Variants in NEDD9 observed in about 807,000 individuals in gnomAD.
NEDD9 encodes neural precursor cell expressed, developmentally down-regulated 9, also known as enhancer of filamentation 1.
In NEDD9, 26 loss-of-function variants were observed where a neutral mutation model predicts 76.6. That is an observed-to-expected ratio of 0.34 (90% CI 0.25 to 0.47). NEDD9 has a LOEUF of 0.47. Among genes scored for constraint, NEDD9 ranks in the 20% least tolerant of loss-of-function variants. The pLI is 1.00. For missense variants in NEDD9, 937 were observed against 1,058.5 expected, an observed-to-expected ratio of 0.89 and a Z score of 1.59; for synonymous variants, 392 against 414.2, an observed-to-expected ratio of 0.95 and a Z score of 0.65.
At chr6:11,304,953 A>G in intron 3 of NEDD9, 1 of 604,654 alleles carries the variant, frequency 1.7e-6, no homozygotes, top group Non-Finnish European at 2.5e-6. Context: ...CTTAAAATAT[A>G]ATTAAAAAAA....
At chr6:11,279,729 G>A (rs1398199932) in intron 3 of NEDD9, among the ~76,000 whole-genome samples, 1 of 152,110 alleles carries the variant, frequency 6.6e-6, no homozygotes, top group East Asian at 1.9e-4. Context: ...CCGGGGCCAG[G>A]CAAGGGGAAA....
intron 1 of NEDD9, chr6:11,214,079 G>T: frequency 2.3e-6 from 1 of 426,100 alleles, no homozygotes; most frequent in Non-Finnish European, 4.5e-6. Context: ...GTGAGCTTAA[G>T]GAAAAAAAAA....
chr6:11,254,609 GT>G (rs1350649306), intron 3 of NEDD9, among the ~76,000 whole-genome samples: 1 of 152,176 alleles, frequency 6.6e-6, no homozygotes, highest in Non-Finnish European at 1.5e-5. Context: ...CTAAAACCCT[GT>G]ATTTTTATTT....
In NEDD9 at chr6:11,183,378, C is replaced by T. The variant is rs2113703035; in HGVS notation, c.*1784G>A. ...ACGGCAAAGAGTAATACAGATTGAA[C>T]ATTTGGTTTTAAAAATGTGAAATGT... On this transcript the variant is annotated 3_prime_UTR_variant, in exon 7 of 7. Transcript: ENST00000379446. The T allele has an allele frequency of 6.6e-6, 1 of 152,218 alleles. No individual in the cohort carries two copies. The highest frequency in any genetic ancestry group is 2.1e-4 in the South Asian group (1 of 4,830). The allele number at this position is 152,218 out of a possible 1,614,324, so 9.4% of individuals were successfully genotyped here.
rs149670274 is a variant in NEDD9, at chr6:11,354,734, G to A, written c.-213-20173C>T. On this transcript the variant is annotated intron_variant, in intron 1 of 3. Transcript: ENST00000397378. ...CCCTGGTGCCAGGGGTGGGTGCATG[G>A]CCACAGTCTGGACAATCAGAGTATT... 2.1e-3 allele frequency among the ~76,000 whole-genome samples: 325 copies of A among 152,288 alleles called. 1 individual carries two copies. The highest frequency in any genetic ancestry group is 3.7e-3 in the Non-Finnish European group (255 of 68,008).
chr6:11,201,189 G>A (rs1037682232), intron 2 of NEDD9: 3 of 914,850 alleles, frequency 3.3e-6, no homozygotes, highest in African/African-American at 1.6e-5. Flanking sequence ...AGGTGCCTGG[G>A]ATGGGGCAGA....
At chr6:11,206,368 A>G (rs555097150) in intron 2 of NEDD9, among the ~76,000 whole-genome samples, 1 of 152,298 alleles carries the variant, frequency 6.6e-6, no homozygotes, top group African/African-American at 2.4e-5. Context: ...GCAGTGAGCC[A>G]AGATTGCGCC....
At chr6:11,196,177 G>A (rs1034728181) in intron 2 of NEDD9, among the ~76,000 whole-genome samples, 10 of 152,106 alleles carry the variant, frequency 6.6e-5, no homozygotes, top group African/African-American at 1.4e-4. Context: ...GGTGGTGGGC[G>A]CCTGTAGTCC....
At chr6:11,269,729 G>A (rs555243352) in intron 3 of NEDD9, among the ~76,000 whole-genome samples, 11 of 152,258 alleles carry the variant, frequency 7.2e-5, no homozygotes, top group African/African-American at 2.6e-4. Context: ...TATTAATTGA[G>A]TTGTGCCAGG....
At chr6:11,229,396 CG>C in intron 1 of NEDD9, among the ~76,000 whole-genome samples, 1 of 151,632 alleles carries the variant, frequency 6.6e-6, no homozygotes, top group East Asian at 1.9e-4. Flanking sequence ...CTGAGGTGGG[CG>C]GGGCCTCGGG....
chr6:11,214,197 T>C (rs1367703583), intron 1 of NEDD9: 2 of 518,686 alleles, frequency 3.9e-6, no homozygotes, highest in Middle Eastern at 3.2e-4. Flanking sequence ...ACAAATAGCA[T>C]TTATATTTGG....
intron 2 of NEDD9, among the ~76,000 whole-genome samples, chr6:11,334,348 T>G (rs1762106440): frequency 6.6e-6 from 1 of 152,276 alleles, no homozygotes; most frequent in Non-Finnish European, 1.5e-5. Context: ...GAGTATGTAT[T>G]ATCTTTTGTC....
In NEDD9 at chr6:11,237,983, C is replaced by A. The variant is rs547882403; in HGVS notation, c.13-24256G>T. Among the ~76,000 whole-genome samples the A allele has an allele frequency of 2.0e-5, 3 of 152,250 alleles. No individual in the cohort carries two copies. Among genetic ancestry groups the A allele is most frequent in the African/African-American group, 7.2e-5 (3 of 41,544 alleles). ...AGTTTTTAAAAACAATCTACATATA[C>A]CAAGCTTATTTCAAAAATAATTGGA... On this transcript the variant is annotated intron_variant, in intron 3 of 3. Coordinates refer to the NEDD9 transcript ENST00000397378. The surrounding 1 kb of genome is among the most constrained non-coding windows in gnomAD (Gnocchi z 4.9).
intron 2 of NEDD9, among the ~76,000 whole-genome samples, chr6:11,202,072 TC>T (rs1160999367): frequency 6.6e-6 from 1 of 152,154 alleles, no homozygotes; most frequent in Non-Finnish European, 1.5e-5. Context: ...TTAAAAAGTG[TC>T]CCCGTGCTGT....
chr6:11,381,111 C>T (rs1248644644), intron 1 of NEDD9, among the ~76,000 whole-genome samples: 4 of 152,226 alleles, frequency 2.6e-5, no homozygotes, highest in Admixed American at 2.0e-4. Flanking sequence ...CCACTTTCCG[C>T]ATTCTTAGAA....
intron 1 of NEDD9, chr6:11,352,102 C>G (rs1762482481): frequency 6.6e-6 from 1 of 152,258 alleles, no homozygotes; most frequent in African/African-American, 2.4e-5. Flanking sequence ...TTCCAGTCTC[C>G]CTGCTCTTTC....
upstream of NEDD9, among the ~76,000 whole-genome samples, chr6:11,235,607 C>G (rs936982562): frequency 6.6e-6 from 1 of 152,142 alleles, no homozygotes; most frequent in Admixed American, 6.5e-5. This position sits in a 1 kb window ranked among gnomAD's most constrained non-coding sequence, Gnocchi z 4.1. Context: ...CAGGGTGGGA[C>G]AGGAGGTGTA....
chr6:11,236,336 C>G (rs138462996), upstream of NEDD9, among the ~76,000 whole-genome samples: 3 of 152,306 alleles, frequency 2.0e-5, no homozygotes, highest in African/African-American at 7.2e-5. This position sits in a 1 kb window ranked among gnomAD's most constrained non-coding sequence, Gnocchi z 5.5. Context: ...CTTCCAGATG[C>G]TTGTGCAGGC....
At chr6:11,376,957 G>T (rs976515629) in intron 1 of NEDD9, among the ~76,000 whole-genome samples, 1 of 152,238 alleles carries the variant, frequency 6.6e-6, no homozygotes, top group Non-Finnish European at 1.5e-5. Context: ...GCTCAAAGGG[G>T]CCCAGGTACA....
Sources: gnomAD v4.1 joint callset for allele counts (sites outside exome capture counted in the v4.1 genomes callset) on GRCh38, gnomAD v4.1.1 for gene constraint, Gnocchi (gnomAD v3.1) non-coding constraint, MANE v1.5 for transcripts, NCBI Gene and HGNC (gene_info 2026-07-23, HGNC 2026-07-21) for gene names.